VSNL1: variants seen among roughly 807,000 people sequenced by gnomAD.
The protein encoded by VSNL1 is visinin-like protein 1.
Under a neutral mutation model 20.4 loss-of-function variants are expected in VSNL1, and 6 were observed. That is an observed-to-expected ratio of 0.29 (90% CI 0.16 to 0.58). The LOEUF is 0.58. Ranked by LOEUF, VSNL1 falls within the 20% of genes least tolerant of loss-of-function variation. VSNL1 has a pLI of 0.90. For synonymous variants in VSNL1, 93 were observed against 86.4 expected, an observed-to-expected ratio of 1.08 and a Z score of -0.42; for missense variants, 100 against 234.5, an observed-to-expected ratio of 0.43 and a Z score of 3.75.
intron 2 of VSNL1, among the ~76,000 whole-genome samples, chr2:17,596,080 C>G (rs1664704246): frequency 6.6e-6 from 1 of 152,306 alleles, no homozygotes; most frequent in South Asian, 2.1e-4. Context: ...ATTTAAGCCC[C>G]CCAGTCTGTG....
At position 17,615,738 on chromosome 2, in the gene VSNL1, C is replaced by T. The variant is rs536882609; in HGVS notation, c.162+23502C>T. On this transcript the variant is annotated intron_variant, in intron 2 of 3. Transcript: ENST00000295156. ...ACAAGATGATTGCTGCAGTTCCAGG[C>T]TTCACATTACCATTCAAGTCTGCCA... 3.3e-5 allele frequency among the ~76,000 whole-genome samples: 5 copies of T among 152,332 alleles called. No individual in the cohort carries two copies. In the East Asian group the frequency reaches 9.6e-4, roughly 29 times the overall value.
At chr2:17,617,501 A>C (rs975282369) in intron 2 of VSNL1, among the ~76,000 whole-genome samples, 16 of 152,226 alleles carry the variant, frequency 1.1e-4, no homozygotes, top group Non-Finnish European at 2.1e-4. Flanking sequence ...GTCTTAAAAA[A>C]AAAAAAGAGG....
upstream of VSNL1, among the ~76,000 whole-genome samples, chr2:17,540,403 C>G (rs1347893067): frequency 6.6e-6 from 1 of 152,236 alleles, no homozygotes; most frequent in Admixed American, 6.5e-5. Context: ...CCCTCGCGCC[C>G]GTCCAGGTGC....
intron 1 of VSNL1, among the ~76,000 whole-genome samples, chr2:17,558,265 A>G (rs1398584828): frequency 6.6e-6 from 1 of 152,214 alleles, no homozygotes; most frequent in Non-Finnish European, 1.5e-5. Flanking sequence ...TCAAGCCAAC[A>G]TTCCATTCCA....
rs887380722 is a variant in VSNL1 at position 17,599,245 on chromosome 2, G to C, written c.162+7009G>C. Among the ~76,000 whole-genome samples the C allele has an allele frequency of 2.0e-5, 3 of 152,252 alleles. No individual in the cohort carries two copies. The South Asian group carries it at 6.2e-4, about 32-fold the overall frequency. ...AGGAAAGACAAGGAAGGGCCTGGAG[G>C]GTCAGAGAGGGCTGGTTAGGAAGGT... On this transcript the variant is annotated intron_variant, in intron 2 of 3. Transcript: ENST00000295156.
At chr2:17,651,149 T>C (rs754230806) in intron 3 of VSNL1, among the ~76,000 whole-genome samples, 9 of 152,180 alleles carry the variant, frequency 5.9e-5, no homozygotes, top group Non-Finnish European at 1.2e-4. Context: ...TTTCCCCTCA[T>C]TGGCCACCAA....
At chr2:17,633,028 C>T (rs1190955322) in intron 2 of VSNL1, among the ~76,000 whole-genome samples, 1 of 152,154 alleles carries the variant, frequency 6.6e-6, no homozygotes, top group Non-Finnish European at 1.5e-5. Flanking sequence ...ATACCTGAGG[C>T]TGGGTAATTT....
intron 2 of VSNL1, among the ~76,000 whole-genome samples, chr2:17,595,721 TG>T (rs35137578): frequency 0.24 from 36,546 of 152,000 alleles, 5,745 homozygotes; most frequent in Middle Eastern, 0.49. Context: ...CAGTGTGACG[TG>T]TCTTTAGGAG....
rs377425271 is a variant in VSNL1, at chr2:17,623,874, T to C, written c.163-25536T>C. Among the ~76,000 whole-genome samples the C allele has an allele frequency of 7.2e-5, 11 of 152,236 alleles. No individual in the cohort carries two copies. The East Asian group carries it at 2.1e-3, about 29-fold the overall frequency. Reference sequence around the variant, plus strand: ...TAAAGAATTAATAGCTTACATTAAATAATAAGGAAACAGAAGTGACTGTTA... The same window carrying C: ...TAAAGAATTAATAGCTTACATTAAACAATAAGGAAACAGAAGTGACTGTTA... On this transcript the variant is annotated intron_variant, in intron 2 of 3. Coordinates refer to ENST00000295156, the MANE Select transcript of VSNL1 (RefSeq NM_003385.5).
chr2:17,655,170 A>G lies in VSNL1; in HGVS notation c.379-27A>G. The stretch of plus-strand genomic sequence containing the variant: ...TCTGTCCTCCTGGGTTTCTGGTAAT[A>G]TCACCTACAATGCTTTTTTCCCCAA... On this transcript the variant is annotated intron_variant, in intron 3 of 3. Transcript: ENST00000295156. The surrounding 1 kb of genome is among the most constrained non-coding windows in gnomAD (Gnocchi z 5.2). 1 of 1,609,636 alleles carries G rather than the reference A, an allele frequency of 6.2e-7. No individual in the cohort carries two copies. The highest frequency in any genetic ancestry group is 8.5e-7 in the Non-Finnish European group (1 of 1,178,050).
intron 2 of VSNL1, among the ~76,000 whole-genome samples, chr2:17,592,774 A>C (rs1258340180): frequency 6.6e-6 from 1 of 151,030 alleles, no homozygotes; most frequent in Non-Finnish European, 1.5e-5. Flanking sequence ...ATCTCTGGTC[A>C]GCAATGTCTA....
At chr2:17,545,473 A>T (rs1387054312) in intron 1 of VSNL1, among the ~76,000 whole-genome samples, 3 of 152,166 alleles carry the variant, frequency 2.0e-5, no homozygotes, top group African/African-American at 7.2e-5. Context: ...AAGAATATTG[A>T]TAAGTAAAAG....
At chr2:17,580,423 A>G (rs1664324254) in intron 1 of VSNL1, among the ~76,000 whole-genome samples, 1 of 152,110 alleles carries the variant, frequency 6.6e-6, no homozygotes, top group African/African-American at 2.4e-5. Flanking sequence ...CCACAAAACC[A>G]GCTAATATCC....
intron 2 of VSNL1, among the ~76,000 whole-genome samples, chr2:17,646,761 G>C (rs1429519014): frequency 6.6e-6 from 1 of 152,090 alleles, no homozygotes; most frequent in African/African-American, 2.4e-5. Context: ...AATTGAACAA[G>C]AGTACGCAAA....
intron 1 of VSNL1, among the ~76,000 whole-genome samples, chr2:17,574,593 G>T (rs973390287): frequency 6.6e-6 from 1 of 152,128 alleles, no homozygotes; most frequent in Non-Finnish European, 1.5e-5. Context: ...TTTAATAAAG[G>T]TGTCCATACA....
At chr2:17,608,037 T>G (rs562201393) in intron 2 of VSNL1, among the ~76,000 whole-genome samples, 1 of 152,236 alleles carries the variant, frequency 6.6e-6, no homozygotes, top group Non-Finnish European at 1.5e-5. Flanking sequence ...CCTTAAATAC[T>G]ATTTTCCCAA....
intron 1 of VSNL1, among the ~76,000 whole-genome samples, chr2:17,571,969 C>G (rs1664094368): frequency 1.3e-5 from 2 of 152,010 alleles, no homozygotes; most frequent in African/African-American, 4.8e-5. Context: ...AGAAGGAACT[C>G]AATATGTTAG....
At chr2:17,568,212 G>A (rs1663999062) in intron 1 of VSNL1, among the ~76,000 whole-genome samples, 1 of 151,936 alleles carries the variant, frequency 6.6e-6, no homozygotes, top group East Asian at 1.9e-4. Flanking sequence ...AATTACCACT[G>A]TTTTGATACC....
intron 1 of VSNL1, among the ~76,000 whole-genome samples, chr2:17,561,350 GC>G (rs554498603): frequency 1.8e-4 from 28 of 152,132 alleles, no homozygotes; most frequent in Non-Finnish European, 2.9e-4. Context: ...CCCCACAGAA[GC>G]CCTAGCATGT....
Sources: gnomAD v4.1 joint callset for allele counts (sites outside exome capture counted in the v4.1 genomes callset) on GRCh38, gnomAD v4.1.1 for gene constraint, Gnocchi (gnomAD v3.1) non-coding constraint, MANE v1.5 for transcripts, NCBI Gene and HGNC (gene_info 2026-07-23, HGNC 2026-07-21) for gene names.